Variants in TANC1 observed in about 807,000 individuals in gnomAD.
TANC1 encodes the protein tetratricopeptide repeat, ankyrin repeat and coiled-coil containing 1, also known as protein TANC1.
In TANC1, 77 loss-of-function variants were observed where a neutral mutation model predicts 149.7. The ratio of observed to expected loss-of-function variants is 0.51; its 90% CI spans 0.43 to 0.62. The LOEUF (loss-of-function observed/expected upper bound fraction) is 0.62. Among genes scored for constraint, TANC1 ranks in the 20% least tolerant of loss-of-function variants. TANC1 has a pLI of 0.00. For missense variants in TANC1, 1,985 were observed against 2,321.8 expected (o/e 0.85, Z 2.98); for synonymous variants, 854 against 925.0 (o/e 0.92, Z 1.39).
intron 2 of TANC1, among the ~76,000 whole-genome samples, chr2:159,051,651 TTGTGTGTGTG>T (rs58015346): frequency 1.1e-3 from 151 of 142,960 alleles, no homozygotes; most frequent in African/African-American, 3.2e-3. Context: ...GAAGTGGTGT[TTGTGTGTGTG>T]TGTGTGTGTG....
intron 7 of TANC1, among the ~76,000 whole-genome samples, chr2:159,157,835 C>A (rs950772056): frequency 6.6e-6 from 1 of 152,132 alleles, no homozygotes; most frequent in African/African-American, 2.4e-5. Flanking sequence ...TATTTTTCTT[C>A]AGTTGTGTGG....
At chr2:159,184,771 G>A (rs1016989860) in intron 14 of TANC1, among the ~76,000 whole-genome samples, 2 of 152,190 alleles carry the variant, frequency 1.3e-5, no homozygotes, top group African/African-American at 2.4e-5. Context: ...GCATGTGCTC[G>A]TGGGAAAACT....
rs763298459 is a variant in TANC1 at position 159,227,788 on chromosome 2, A to G, written c.3904-31A>G. 1.6e-5 allele frequency: 26 copies of G among 1,611,170 alleles called. No homozygotes were observed. The South Asian group carries it at 2.4e-4, about 15-fold the overall frequency. On this transcript the variant is annotated intron_variant, in intron 24 of 26. Coordinates refer to ENST00000263635, the MANE Select transcript of TANC1 (RefSeq NM_033394.3). ...TTATTCATTTTAGAACCTCTGAAAAAGGACAAATGTTTGTGATTTTTGAAT... is the reference window on the plus strand; with the variant it reads ...TTATTCATTTTAGAACCTCTGAAAAGGGACAAATGTTTGTGATTTTTGAAT...
In TANC1 at chr2:159,149,253, A is replaced by T. The variant is rs746449083; in HGVS notation, c.476A>T (p.Glu159Val). The change falls in exon 6 of 27, where the codon GAA (glutamate) becomes GTA (valine). Residue 159 changes from glutamate to valine, a missense_variant. Physicochemically the swap from Glu to Val is moderately radical, Grantham distance 121 (BLOSUM62 -2). This residue lies in a region of TANC1 where 557 missense variants were observed against 612.9 expected (regional missense o/e 0.91). Transcript: ENST00000263635. ...GIPSATHITIEDKNETMCTAL... is the reference protein window; with the variant it reads ...GIPSATHITIVDKNETMCTAL... ...CCAAGTGCCACACACATAACCATTG[A>T]AGACAAAAATGAAACCATGGTAATG... is the stretch of plus-strand genomic sequence containing the variant. The T allele has an allele frequency of 1.2e-6, 2 of 1,614,218 alleles. No homozygotes were observed. Among genetic ancestry groups the T allele is most frequent in the South Asian group, 2.2e-5 (2 of 91,076 alleles).
intron 5 of TANC1, among the ~76,000 whole-genome samples, chr2:159,140,821 G>A (rs916995031): frequency 1.3e-5 from 2 of 151,098 alleles, no homozygotes; most frequent in African/African-American, 4.9e-5. Flanking sequence ...CTCCCGAGTA[G>A]CTGGGATTAC....
intron 3 of TANC1, among the ~76,000 whole-genome samples, chr2:159,086,267 G>A (rs1177375984): frequency 6.6e-6 from 1 of 151,696 alleles, no homozygotes; most frequent in African/African-American, 2.4e-5. Flanking sequence ...GGTTGAGATT[G>A]CAGATAGCTG....
chr2:159,230,113 C>T lies in TANC1; in HGVS notation c.4687C>T (p.Pro1563Ser). The part of the protein sequence containing the change: ...KVQISSQNPP[P>S]SPMPGRIAAT... ...TCAGATCTCTTCTCAGAACCCTCCT[C>T]CAAGTCCCATGCCAGGGAGAATCGC... is the stretch of plus-strand genomic sequence containing the variant. The change falls in exon 27 of 27, where the codon CCA becomes TCA. Residue 1563 changes from proline (P) to serine (S), a missense_variant. By Grantham distance (74) the Pro-to-Ser change is moderately conservative. Coordinates refer to ENST00000263635, the MANE Select transcript of TANC1 (RefSeq NM_033394.3). This position sits in a 1 kb window ranked among gnomAD's most constrained non-coding sequence, Gnocchi z 4.4. 1 of 1,613,986 alleles carries T rather than the reference C, an allele frequency of 6.2e-7. No homozygotes were observed. The highest frequency in any genetic ancestry group is 8.5e-7 in the Non-Finnish European group (1 of 1,180,044).
At chr2:159,192,322 C>A (rs13414237) in intron 16 of TANC1, among the ~76,000 whole-genome samples, 5,452 of 152,112 alleles carry the variant, frequency 0.036, 142 homozygotes, top group African/African-American at 0.073. Flanking sequence ...TTTTTAAAAA[C>A]ATTTTTTATA....
intron 2 of TANC1, among the ~76,000 whole-genome samples, chr2:159,014,011 A>T (rs959146976): frequency 3.3e-5 from 5 of 152,068 alleles, no homozygotes; most frequent in Non-Finnish European, 7.4e-5. Context: ...TTAAAAAGAC[A>T]CCAGTTAAAT....
intron 17 of TANC1, among the ~76,000 whole-genome samples, chr2:159,195,031 C>T (rs1016307267): frequency 1.3e-5 from 2 of 152,170 alleles, no homozygotes; most frequent in Non-Finnish European, 2.9e-5. Context: ...GTAAAATGGG[C>T]ATAACAGCAG....
At chr2:159,168,214 C>G (rs898658205) in intron 8 of TANC1, among the ~76,000 whole-genome samples, 2 of 151,654 alleles carry the variant, frequency 1.3e-5, no homozygotes, top group Non-Finnish European at 2.9e-5. Flanking sequence ...GTACTTGCTT[C>G]TAAGATTTCT....
intron 2 of TANC1, among the ~76,000 whole-genome samples, chr2:159,032,830 G>A (rs1283212666): frequency 6.6e-6 from 1 of 152,082 alleles, no homozygotes; most frequent in Non-Finnish European, 1.5e-5. Flanking sequence ...CCCAGATTTT[G>A]GCAGCTTTGA....
At chr2:158,971,237 G>T in intron 1 of TANC1, among the ~76,000 whole-genome samples, 1 of 152,148 alleles carries the variant, frequency 6.6e-6, no homozygotes, top group African/African-American at 2.4e-5. Context: ...GCATCCCTGA[G>T]CCAGTGGAAC....
chr2:159,115,119 GTGT>G (rs2150048766), intron 4 of TANC1, among the ~76,000 whole-genome samples: 1 of 152,260 alleles, frequency 6.6e-6, no homozygotes, highest in South Asian at 2.1e-4. Flanking sequence ...TGTCTACAAA[GTGT>G]TGTGACCTCA....
At chr2:159,125,331 A>G (rs1229459603) in intron 4 of TANC1, among the ~76,000 whole-genome samples, 1 of 152,206 alleles carries the variant, frequency 6.6e-6, no homozygotes, top group African/African-American at 2.4e-5. Context: ...ACATTATGTC[A>G]GTGTTTTATT....
chr2:159,052,194 C>T (rs531873805), intron 2 of TANC1, among the ~76,000 whole-genome samples: 1 of 152,144 alleles, frequency 6.6e-6, no homozygotes, highest in Non-Finnish European at 1.5e-5. Context: ...ATTAAAAACA[C>T]CTGTCTCAAA....
At chr2:159,170,939 G>GA (rs1269985480) in intron 10 of TANC1, 134 bp downstream of exon 10, 1 of 958,042 alleles carries the variant, frequency 1.0e-6, no homozygotes, top group Admixed American at 2.5e-5. Flanking sequence ...CATCATGTGT[G>GA]AAGTGAACTG....
chr2:159,123,615 G>C (rs184553090), intron 4 of TANC1, among the ~76,000 whole-genome samples: 3 of 152,142 alleles, frequency 2.0e-5, no homozygotes, highest in Non-Finnish European at 4.4e-5. Context: ...GTAAATATTG[G>C]AGAAGACATT....
Position 159,046,767 on chromosome 2 carries a change from A to AT in TANC1, c.-15-19121dup, listed in dbSNP as rs1327972100. Among the ~76,000 whole-genome samples, 4 of 150,222 alleles carry AT rather than the reference A, an allele frequency of 2.7e-5. 1 individual carries two copies. The highest frequency in any genetic ancestry group is 2.1e-4 in the South Asian group (1 of 4,684). ...AGGCGCGAGGCACCAGGCCTGGCTA[A>AT]TTTTTTTTGTATTTTTTGTGGAGAC... is the stretch of plus-strand genomic sequence containing the variant. On this transcript the variant is annotated intron_variant, in intron 2 of 26. Transcript: ENST00000263635.
Sources: gnomAD v4.1 joint callset for allele counts (sites outside exome capture counted in the v4.1 genomes callset) on GRCh38, gnomAD v4.1.1 for gene constraint, gnomAD v4.1.1 regional missense constraint, Gnocchi (gnomAD v3.1) non-coding constraint, MANE v1.5 for transcripts, NCBI Gene and HGNC (gene_info 2026-07-23, HGNC 2026-07-21) for gene names.